JARID2: variants seen among roughly 807,000 people sequenced by gnomAD.
JARID2 encodes protein Jumonji.
A neutral mutation model predicts 125.6 loss-of-function variants in JARID2; 21 were observed. The ratio of observed to expected loss-of-function variants is 0.17; its 90% confidence interval spans 0.12 to 0.24. JARID2 has a LOEUF of 0.24. Among genes scored for constraint, JARID2 ranks in the 10% least tolerant of loss-of-function variants. The pLI, the probability that JARID2 is intolerant of heterozygous loss-of-function variation, is 1.00. For missense variants in JARID2, 1,303 were observed against 1,639.6 expected (o/e 0.79, Z 3.55); for synonymous variants, 736 against 661.6 (o/e 1.11, Z -1.73).
Position 15,410,230 on chromosome 6 carries a change from T to C in JARID2, c.188T>C (p.Leu63Pro). 6.2e-7 allele frequency: 1 copy of C among 1,613,804 alleles called. No homozygotes were observed. Among genetic ancestry groups the C allele is most frequent in the Non-Finnish European group, 8.5e-7 (1 of 1,179,770 alleles). ...AGSLKTVNGL[L>P]GNDQSKGLGP... is the part of the protein sequence containing the mutation. ...CCCCTTTTCTCACCTGTAGGGCTCC[T>C]TGGTAATGACCAGTCTAAGGGATTA... is the stretch of plus-strand genomic sequence containing the variant. Residue 63 changes from leucine (L) to proline (P), a missense_variant, in exon 3 of 18, where the codon CTT (leucine) becomes CCT (proline). Physicochemically the swap from Leu to Pro is moderately conservative, Grantham distance 98. Transcript: ENST00000341776.
rs1763066799 is a variant in JARID2, at chr6:15,341,391, G to A, written c.46-32726G>A. 2.0e-5 allele frequency among the ~76,000 whole-genome samples: 3 copies of A among 152,130 alleles called. No homozygotes were observed. The South Asian group carries it at 6.2e-4, about 32-fold the overall frequency. On this transcript the variant is annotated intron_variant, in intron 1 of 17. Coordinates refer to ENST00000341776, the MANE Select transcript of JARID2 (RefSeq NM_004973.4). ...CAAATGTAAGGTCTAGAAGCAGAGG[G>A]GCTTTCAGCTTCTCTGCAACACACA...
chr6:15,345,592 T>C (rs1470641139), intron 1 of JARID2, among the ~76,000 whole-genome samples: 1 of 152,262 alleles, frequency 6.6e-6, no homozygotes, highest in Non-Finnish European at 1.5e-5. Flanking sequence ...AACATATTAA[T>C]TTATTTAATA....
At chr6:15,428,172 T>G (rs1294582655) in intron 3 of JARID2, among the ~76,000 whole-genome samples, 1 of 152,168 alleles carries the variant, frequency 6.6e-6, no homozygotes, top group Non-Finnish European at 1.5e-5. Context: ...GTAAGTGGGT[T>G]TTTTTCTACA....
At chr6:15,335,458 C>T (rs2127461058) in intron 1 of JARID2, among the ~76,000 whole-genome samples, 1 of 152,312 alleles carries the variant, frequency 6.6e-6, no homozygotes, top group Admixed American at 6.5e-5. Flanking sequence ...TTGCTTCTGG[C>T]AGGTCAGCCT....
chr6:15,503,695 G>T (rs1260242890), intron 8 of JARID2, among the ~76,000 whole-genome samples: 1 of 152,192 alleles, frequency 6.6e-6, no homozygotes, highest in Non-Finnish European at 1.5e-5. Flanking sequence ...CACCATAGGT[G>T]CTCAGGAGAT....
chr6:15,400,042 A>G (rs1765365420), intron 2 of JARID2, among the ~76,000 whole-genome samples: 1 of 152,220 alleles, frequency 6.6e-6, no homozygotes, highest in Admixed American at 6.5e-5. Context: ...GCCAGCCCTC[A>G]GTTGGACTCC....
intron 1 of JARID2, among the ~76,000 whole-genome samples, chr6:15,289,655 C>A (rs1283527420): frequency 6.6e-6 from 1 of 152,030 alleles, no homozygotes. Context: ...GAGTTTGAGA[C>A]CAGCTTTGTC....
At chr6:15,469,456 G>A (rs1018334568) in intron 5 of JARID2, among the ~76,000 whole-genome samples, 20 of 137,534 alleles carry the variant, frequency 1.5e-4, no homozygotes, top group African/African-American at 4.1e-4. Context: ...CTTTTGTGAC[G>A]GAGTCTCGCT....
chr6:15,296,562 GTT>G lies in JARID2; in HGVS notation c.45+49982_45+49983del, dbSNP rs1206378674. ...CCCATCATCCTCCCCGCAACACATA[GTT>G]TTTATAATTCTGAACCATTTGAGAA... On this transcript the variant is annotated intron_variant, in intron 1 of 17. Coordinates refer to ENST00000341776, the MANE Select transcript of JARID2 (RefSeq NM_004973.4). Among the ~76,000 whole-genome samples the G allele has an allele frequency of 6.6e-5, 10 of 152,108 alleles. No homozygotes were observed. In the East Asian group the frequency reaches 1.9e-3, roughly 29 times the overall value.
At chr6:15,295,123 CTTTT>C (rs60419870) in intron 1 of JARID2, among the ~76,000 whole-genome samples, 2 of 129,458 alleles carry the variant, frequency 1.5e-5, no homozygotes, top group Non-Finnish European at 1.6e-5. Flanking sequence ...TTTTTTCTTT[CTTTT>C]TTTTTTTTTT....
At chr6:15,282,893 G>C (rs1760812835) in intron 1 of JARID2, among the ~76,000 whole-genome samples, 3 of 152,046 alleles carry the variant, frequency 2.0e-5, no homozygotes, top group Admixed American at 1.3e-4. Context: ...GAGCCACCCC[G>C]CCCGGTCTGA....
Position 15,483,685 on chromosome 6 carries a change from A to G in JARID2, c.671-3622A>G, listed in dbSNP as rs180760802. Among the ~76,000 whole-genome samples the G allele has an allele frequency of 5.1e-3, 774 of 152,256 alleles. 3 individuals are homozygous for G. Among genetic ancestry groups the G allele is most frequent in the Non-Finnish European group, 6.8e-3 (464 of 68,024 alleles). On this transcript the variant is annotated intron_variant, in intron 5 of 17. Transcript: ENST00000341776. ...CTTCGGTGATTTCCCCCAATTTTTA[A>G]CGATTAGTAATAATTCTGCTGTGAA...
intron 1 of JARID2, among the ~76,000 whole-genome samples, chr6:15,348,836 A>G (rs1763333483): frequency 2.0e-5 from 3 of 152,138 alleles, no homozygotes; most frequent in South Asian, 4.1e-4. Context: ...AGTGGTTGCT[A>G]TTTTCTACCT....
intron 2 of JARID2, among the ~76,000 whole-genome samples, chr6:15,393,933 G>T (rs1347156869): frequency 1.3e-5 from 2 of 152,006 alleles, no homozygotes; most frequent in African/African-American, 4.8e-5. Context: ...CTGTAAAATT[G>T]TAATTAATAA....
In JARID2 at chr6:15,496,814, C is replaced by T. The variant is rs369211390; in HGVS notation, c.1589C>T (p.Pro530Leu). ...ASCENRSTSQ[P>L]ESVHKPQDSG... ...TGTGAAAATCGTTCTACCTCGCAAC[C>T]GGAGTCCGTGCACAAGCCGCAGGAC... The change falls in exon 7 of 18, where the codon CCG becomes CTG. Residue 530 changes from proline (P) to leucine (L), a missense_variant. By Grantham distance (98) the Pro-to-Leu change is moderately conservative. Around this residue, in one of 11 missense-constraint regions of JARID2, gnomAD observed 651 missense variants for 581.6 expected, o/e 1.12. Transcript: ENST00000341776. 8.1e-6 allele frequency: 13 copies of T among 1,604,540 alleles called. No homozygotes were observed. The highest frequency in any genetic ancestry group is 1.7e-4 in the Middle Eastern group (1 of 6,054).
chr6:15,385,037 T>C (rs893941093), intron 2 of JARID2, among the ~76,000 whole-genome samples: 4 of 152,196 alleles, frequency 2.6e-5, no homozygotes, highest in Non-Finnish European at 5.9e-5. Context: ...CATAAACCTT[T>C]AAAAATGCAA....
Position 15,329,190 on chromosome 6 carries a change from TTG to T in JARID2, c.46-44926_46-44925del, listed in dbSNP as rs370110461. Reference sequence around the variant, plus strand: ...GTCTCTTTAATATGGTTTTTTTTTTTTGGGGGATTATTTTGGTATCACCCCAA... The same window carrying T: ...GTCTCTTTAATATGGTTTTTTTTTTTGGGGATTATTTTGGTATCACCCCAA... On this transcript the variant is annotated intron_variant, in intron 1 of 17. Transcript: ENST00000341776. Among the ~76,000 whole-genome samples the T allele has an allele frequency of 4.4e-3, 231 of 52,788 alleles. 1 individual carries two copies. In the East Asian group the frequency reaches 0.051, roughly 12 times the overall value. 34.6% of individuals were successfully genotyped at this position (52,788 alleles called of 152,430 possible).
chr6:15,454,118 G>T (rs1337805128), intron 4 of JARID2, among the ~76,000 whole-genome samples: 1 of 152,152 alleles, frequency 6.6e-6, no homozygotes, highest in Non-Finnish European at 1.5e-5. Context: ...CTTGGCTCCT[G>T]TAATCCTTAA....
intron 1 of JARID2, among the ~76,000 whole-genome samples, chr6:15,262,292 G>A (rs1336379714): frequency 6.6e-6 from 1 of 151,720 alleles, no homozygotes; most frequent in African/African-American, 2.4e-5. Flanking sequence ...TTACACCTAC[G>A]AATCATTTTC....
Sources: allele counts gnomAD v4.1 joint callset (sites outside exome capture counted in the v4.1 genomes callset), GRCh38; gene constraint gnomAD v4.1.1; regional missense constraint gnomAD v4.1.1; transcripts MANE v1.5; gene names NCBI Gene and HGNC (gene_info 2026-07-23, HGNC 2026-07-21).